COQ7: variants seen among roughly 807,000 people sequenced by gnomAD.
COQ7 encodes coenzyme Q7, hydroxylase.
In COQ7, 21 loss-of-function variants were observed where a neutral mutation model predicts 25.0. The observed-to-expected ratio is 0.84, with a 90% CI of 0.60 to 1.21. The LOEUF (loss-of-function observed/expected upper bound fraction) is 1.21. Ranked by LOEUF, COQ7 falls within the 50% of genes most tolerant of loss-of-function variation. The probability of loss-of-function intolerance (pLI) is 0.00; values close to 1 mark genes in which losing one functional copy is unlikely to be tolerated. For synonymous variants in COQ7, 125 were observed against 112.4 expected (o/e 1.11, Z -0.71); for missense variants, 311 against 296.2 (o/e 1.05, Z -0.37).
chr16:19,079,850 A>G lies in COQ7; in HGVS notation c.*1692A>G, dbSNP rs1246418798. ...CTCTGCCACCTCTCTCTTTTCCTCA[A>G]CCGAGAGTGAATTTATGTAATTGAG... is the stretch of plus-strand genomic sequence containing the variant. On this transcript the variant is annotated 3_prime_UTR_variant, in exon 6 of 6. Transcript: ENST00000321998. 3 of 152,188 alleles carry G rather than the reference A, an allele frequency of 2.0e-5. No individual in the cohort carries two copies. Among genetic ancestry groups the G allele is most frequent in the Non-Finnish European group, 4.4e-5 (3 of 68,042 alleles). The allele number at this position is 152,188 out of a possible 1,614,324, so 9.4% of individuals were successfully genotyped here.
chr16:19,068,041 GCGA>G (rs35056497), intron 1 of COQ7: 20,223 of 1,251,598 alleles, frequency 0.016, 187 homozygotes, highest in Non-Finnish European at 0.019. Context: ...AGGACAGTTG[GCGA>G]CACTGAAAAT....
rs1391188089 is a variant in COQ7, at chr16:19,078,108, A to G, written c.604A>G (p.Ile202Val). ...TCCAGCCTATGCCGTCCTGAAGAGC[A>G]TTATCCAGGCCGGATGCAGAGTGGC... The part of the protein sequence containing the change: ...LAPAYAVLKS[I>V]IQAGCRVAIY... The change falls in exon 6 of 6, where the codon ATT becomes GTT. Residue 202 changes from isoleucine (I) to valine (V), a missense_variant. By Grantham distance (29) the Ile-to-Val change is conservative. Transcript: ENST00000321998. 3 of 1,612,470 alleles carry G rather than the reference A, an allele frequency of 1.9e-6. No individual in the cohort carries two copies. Among genetic ancestry groups the G allele is most frequent in the Admixed American group, 1.7e-5 (1 of 59,740 alleles).
At chr16:19,082,816 A>AT (rs1442573917), downstream of COQ7, among the ~76,000 whole-genome samples, 3 of 20,428 alleles carry the variant, frequency 1.5e-4, no homozygotes, top group Admixed American at 2.2e-3. Context: ...TTTTACCACA[A>AT]TTTTAAAACA....
rs543567598 is a variant in COQ7, at chr16:19,068,897, AAAAC to A, written c.73+1168_73+1171del. ...CAAATGGGTGAGTAATCATTAAAAA[AAAAC>A]AAACAAATTAAAAAGTTATGAAATT... On this transcript the variant is annotated intron_variant, in intron 1 of 5. Transcript: ENST00000321998. 272 of 317,618 alleles carry A rather than the reference AAAAC, an allele frequency of 8.6e-4. No homozygotes were observed. In the African/African-American group the frequency reaches 0.011, roughly 13 times the overall value. The allele number at this position is 317,618 out of a possible 1,614,324, so 19.7% of individuals were successfully genotyped here. A position where few individuals can be genotyped will look rare whatever the true frequency, so the allele number is the denominator to read the frequency against.
At chr16:19,078,030 C>A in intron 5 of COQ7, 51 bp from the exon 6 acceptor site, 10 of 1,459,788 alleles carry the variant, frequency 6.9e-6, no homozygotes, top group Non-Finnish European at 9.4e-6. Flanking sequence ...AATCTTACAA[C>A]CGAAAATGAG....
chr16:19,069,956 A>G (rs1035504456), intron 1 of COQ7, among the ~76,000 whole-genome samples: 1 of 149,892 alleles, frequency 6.7e-6, no homozygotes, highest in Non-Finnish European at 1.5e-5. Flanking sequence ...GCTAATTTTT[A>G]TATTTTTGGT....
At chr16:19,069,145 A>G (rs1962413932) in intron 1 of COQ7, among the ~76,000 whole-genome samples, 1 of 152,238 alleles carries the variant, frequency 6.6e-6, no homozygotes, top group South Asian at 2.1e-4. Flanking sequence ...CTTTGGGAAA[A>G]TATGGACATA....
chr16:19,073,308 C>CAAAAAAACG, intron 2 of COQ7, among the ~76,000 whole-genome samples: 1 of 138,994 alleles, frequency 7.2e-6, no homozygotes, highest in South Asian at 2.2e-4. Flanking sequence ...GACTCCGTCT[C>CAAAAAAACG]AAAAAAACAA....
intron 1 of COQ7, chr16:19,068,265 C>T (rs768692376): frequency 1.0e-6 from 1 of 994,768 alleles, no homozygotes; most frequent in Non-Finnish European, 1.2e-6. Context: ...TGAAAGCCAT[C>T]AGTGTAGTGG....
In COQ7 at chr16:19,080,076, G is replaced by A. The variant is rs1015230219; in HGVS notation, c.*1918G>A. The A allele has an allele frequency of 2.0e-5, 3 of 152,204 alleles. No homozygotes were observed. Among genetic ancestry groups the A allele is most frequent in the Non-Finnish European group, 4.4e-5 (3 of 68,028 alleles). The allele number at this position is 152,204 out of a possible 1,614,324, so 9.4% of individuals were successfully genotyped here. ...CTGTAAATTGAACCTTGAAATAAAAGCACAACAAGGTTTTCTTAAGGTACT... is the reference window on the plus strand; with the variant it reads ...CTGTAAATTGAACCTTGAAATAAAAACACAACAAGGTTTTCTTAAGGTACT... On this transcript the variant is annotated 3_prime_UTR_variant, in exon 6 of 6. Coordinates refer to ENST00000321998, the MANE Select transcript of COQ7 (RefSeq NM_016138.5).
intron 1 of COQ7, among the ~76,000 whole-genome samples, chr16:19,071,223 C>T (rs939663545): frequency 2.0e-5 from 3 of 152,190 alleles, no homozygotes; most frequent in Admixed American, 6.5e-5. Context: ...GCAATCTCTG[C>T]CTCCCGGTTT....
chr16:19,072,349 T>C, intron 2 of COQ7: 3 of 507,454 alleles, frequency 5.9e-6, no homozygotes, highest in South Asian at 2.7e-5. Context: ...CAGTACTCCA[T>C]GGCGGGGGCA....
intron 2 of COQ7, among the ~76,000 whole-genome samples, chr16:19,072,892 C>T (rs867810648): frequency 3.3e-5 from 5 of 152,294 alleles, no homozygotes; most frequent in Middle Eastern, 3.4e-3. Flanking sequence ...TATTCAGGGC[C>T]GGGTGTGGTG....
intron 1 of COQ7, among the ~76,000 whole-genome samples, chr16:19,069,463 T>A (rs559875092): frequency 7.0e-6 from 1 of 142,458 alleles, no homozygotes; most frequent in Non-Finnish European, 1.5e-5. Context: ...CAGGCTGGAG[T>A]GCAGTGGCGC....
At chr16:19,075,566 A>G (rs138050001) in intron 3 of COQ7, among the ~76,000 whole-genome samples, 155 bp from the exon 4 acceptor site, 221 of 152,328 alleles carry the variant, frequency 1.5e-3, no homozygotes, top group African/African-American at 5.1e-3. Context: ...TCAGAGATGC[A>G]GTTAAATATC....
At chr16:19,081,495 G>A (rs1183396487), downstream of COQ7, among the ~76,000 whole-genome samples, 1 of 152,146 alleles carries the variant, frequency 6.6e-6, no homozygotes, top group Non-Finnish European at 1.5e-5. Flanking sequence ...AGGTCCAGGA[G>A]CCCCAAGTTA....
intron 2 of COQ7, among the ~76,000 whole-genome samples, chr16:19,073,153 A>G (rs927824285): frequency 1.3e-5 from 2 of 152,114 alleles, no homozygotes; most frequent in Admixed American, 1.3e-4. Flanking sequence ...TAAAAATACA[A>G]AACAAATCAG....
chr16:19,071,940 G>C lies in COQ7; in HGVS notation c.86G>C (p.Arg29Thr). The change falls in exon 2 of 6, where the codon AGA becomes ACA. Residue 29 changes from arginine (R) to threonine (T), a missense_variant. Physicochemically the swap from Arg to Thr is moderately conservative, Grantham distance 71. Transcript: ENST00000321998. ...ACTTGCATTTCAGCTTATGGAAGAA[G>C]AACCAGTGTCAGATTTCGCAGTTCA... Reference protein sequence around the residue: ...ARRSLSAYGRRTSVRFRSSGM... With the variant: ...ARRSLSAYGRTTSVRFRSSGM... 6.2e-7 allele frequency: 1 copy of C among 1,614,216 alleles called. No homozygotes were observed. Among genetic ancestry groups the C allele is most frequent in the Non-Finnish European group, 8.5e-7 (1 of 1,180,032 alleles).
chr16:19,075,627 C>G, intron 3 of COQ7, 94 bp from the exon 4 acceptor site: 1 of 1,380,648 alleles, frequency 7.2e-7, no homozygotes, highest in East Asian at 2.4e-5. Flanking sequence ...GGCCCGATGT[C>G]TGGTGCAGAG....
Sources: allele counts gnomAD v4.1 joint callset (sites outside exome capture counted in the v4.1 genomes callset), GRCh38; gene constraint gnomAD v4.1.1; transcripts MANE v1.5; gene names NCBI Gene and HGNC (gene_info 2026-07-23, HGNC 2026-07-21).